RSRC1: variants seen among roughly 807,000 people sequenced by gnomAD.
The protein encoded by RSRC1 is arginine and serine rich coiled-coil 1, also known as serine/Arginine-related protein 53.
A neutral mutation model predicts 49.1 loss-of-function variants in RSRC1; 39 were observed. The observed-to-expected ratio is 0.79, with a 90% CI of 0.61 to 1.04. The LOEUF is 1.04. Ranked by LOEUF, RSRC1 falls within the 50% of genes least tolerant of loss-of-function variation. The pLI is 0.00. For missense variants in RSRC1, 388 were observed against 402.4 expected (o/e 0.96, Z 0.31); for synonymous variants, 143 against 130.8 (o/e 1.09, Z -0.63).
At chr3:158,511,069 C>T (rs1178030605) in intron 7 of RSRC1, among the ~76,000 whole-genome samples, 4 of 151,376 alleles carry the variant, frequency 2.6e-5, no homozygotes, top group Non-Finnish European at 4.4e-5. Context: ...AATAAACTTT[C>T]ACAATTTACT....
intron 3 of RSRC1, among the ~76,000 whole-genome samples, chr3:158,158,866 G>A (rs1389430348): frequency 6.6e-6 from 1 of 151,704 alleles, no homozygotes; most frequent in Non-Finnish European, 1.5e-5. Context: ...TTGAACCTGG[G>A]AGGTAGAGGT....
chr3:158,521,566 C>CA (rs974589246), intron 7 of RSRC1, among the ~76,000 whole-genome samples: 4 of 151,904 alleles, frequency 2.6e-5, no homozygotes, highest in African/African-American at 9.7e-5. Context: ...TATCTTTACT[C>CA]AAAAAAAGGA....
intron 7 of RSRC1, among the ~76,000 whole-genome samples, chr3:158,468,799 AT>A (rs566781915): frequency 2.0e-4 from 31 of 152,318 alleles, no homozygotes; most frequent in African/African-American, 6.5e-4. Context: ...GCATAAAAAA[AT>A]GAATTGCCTA....
At chr3:158,116,350 G>A (rs764100160) in intron 1 of RSRC1, among the ~76,000 whole-genome samples, 28 of 152,120 alleles carry the variant, frequency 1.8e-4, no homozygotes, top group Non-Finnish European at 3.4e-4. Flanking sequence ...GCTAATTCAA[G>A]TTGCAATTCA....
At chr3:158,389,323 A>G (rs1205299644) in intron 6 of RSRC1, among the ~76,000 whole-genome samples, 2 of 152,206 alleles carry the variant, frequency 1.3e-5, no homozygotes, top group African/African-American at 4.8e-5. Flanking sequence ...ACTGTTAGCT[A>G]TCTTAATAGT....
At chr3:158,496,841 T>C (rs1397038475) in intron 7 of RSRC1, 7 of 212,568 alleles carry the variant, frequency 3.3e-5, no homozygotes, top group Admixed American at 1.2e-4. Flanking sequence ...CCCTATAAAG[T>C]CATTGGTTGC....
At chr3:158,128,975 C>T (rs1715810839) in intron 3 of RSRC1, among the ~76,000 whole-genome samples, 1 of 152,130 alleles carries the variant, frequency 6.6e-6, no homozygotes, top group Non-Finnish European at 1.5e-5. Context: ...ATCAAGGGGT[C>T]TGTGATACTG....
chr3:158,403,655 T>C (rs921509930), intron 6 of RSRC1, among the ~76,000 whole-genome samples: 9 of 151,800 alleles, frequency 5.9e-5, no homozygotes, highest in African/African-American at 1.9e-4. Context: ...TTAAAACTTA[T>C]TTTAAATAAA....
At chr3:158,482,966 A>G (rs962235625) in intron 7 of RSRC1, among the ~76,000 whole-genome samples, 1 of 151,808 alleles carries the variant, frequency 6.6e-6, no homozygotes. Flanking sequence ...AATATTCAGT[A>G]TTTTCTTGTC....
At chr3:158,261,319 G>A (rs1161680516) in intron 4 of RSRC1, among the ~76,000 whole-genome samples, 2 of 152,120 alleles carry the variant, frequency 1.3e-5, no homozygotes, top group African/African-American at 4.8e-5. Flanking sequence ...GGTATATAGT[G>A]GTGCATCATT....
intron 6 of RSRC1, among the ~76,000 whole-genome samples, chr3:158,410,150 TATTA>T (rs1734378676): frequency 6.6e-6 from 1 of 152,200 alleles, no homozygotes; most frequent in African/African-American, 2.4e-5. Context: ...TTCATTTGTT[TATTA>T]ATTCAGCTAT....
chr3:158,289,990 T>A (rs1487664162), intron 4 of RSRC1, among the ~76,000 whole-genome samples: 2 of 152,090 alleles, frequency 1.3e-5, no homozygotes, highest in African/African-American at 4.8e-5. Context: ...TGAGACTGAC[T>A]TTCATTTATA....
intron 7 of RSRC1, among the ~76,000 whole-genome samples, chr3:158,476,382 C>T (rs1212168505): frequency 1.3e-5 from 2 of 152,136 alleles, no homozygotes; most frequent in Non-Finnish European, 2.9e-5. Context: ...GAAGAAAATG[C>T]CATCTAGGAT....
At chr3:158,352,284 A>T (rs1250915896) in intron 5 of RSRC1, among the ~76,000 whole-genome samples, 1 of 152,150 alleles carries the variant, frequency 6.6e-6, no homozygotes, top group Non-Finnish European at 1.5e-5. Flanking sequence ...ACAAAAAAGA[A>T]AAAAGAATCT....
intron 4 of RSRC1, among the ~76,000 whole-genome samples, chr3:158,256,944 A>G (rs1466024257): frequency 6.6e-6 from 1 of 151,944 alleles, no homozygotes; most frequent in African/African-American, 2.4e-5. Context: ...TATTGCACCT[A>G]TTTAATTCTT....
At chr3:158,453,788 A>C (rs1045993604) in intron 6 of RSRC1, among the ~76,000 whole-genome samples, 3 of 151,948 alleles carry the variant, frequency 2.0e-5, no homozygotes, top group African/African-American at 7.3e-5. Context: ...GTGGCTTTTA[A>C]ATGTTTATGT....
intron 7 of RSRC1, among the ~76,000 whole-genome samples, chr3:158,534,113 T>C (rs1215311955): frequency 6.6e-6 from 1 of 151,560 alleles, no homozygotes; most frequent in East Asian, 1.9e-4. Context: ...CATTTCATTC[T>C]CATCTGATTA....
At chr3:158,369,879 G>C (rs927137037) in intron 6 of RSRC1, among the ~76,000 whole-genome samples, 1 of 152,000 alleles carries the variant, frequency 6.6e-6, no homozygotes, top group Non-Finnish European at 1.5e-5. Flanking sequence ...TTTTGCAAGT[G>C]TTCAAATAAT....
chr3:158,467,697 C>G (rs1215698377), intron 7 of RSRC1, among the ~76,000 whole-genome samples: 1 of 152,042 alleles, frequency 6.6e-6, no homozygotes, highest in Non-Finnish European at 1.5e-5. Flanking sequence ...TAGTTATGGG[C>G]TAAATTGTTT....
Sources: allele counts gnomAD v4.1 joint callset (sites outside exome capture counted in the v4.1 genomes callset), GRCh38; gene constraint gnomAD v4.1.1; transcripts MANE v1.5; gene names NCBI Gene and HGNC (gene_info 2026-07-23, HGNC 2026-07-21).